The following BORA variants were observed in gnomAD, a reference collection of about 807,000 sequenced individuals.
BORA encodes the protein BORA aurora kinase A activator.
In BORA, 26 loss-of-function variants were observed where a neutral mutation model predicts 55.8. That is an observed-to-expected ratio of 0.47 (90% confidence interval 0.34 to 0.65). The LOEUF (loss-of-function observed/expected upper bound fraction) is 0.65. BORA is among the 30% of genes least tolerant of loss of function. The probability of loss-of-function intolerance (pLI) is 0.01; values close to 1 mark genes in which losing one functional copy is unlikely to be tolerated. For synonymous variants in BORA, 201 were observed against 216.9 expected (o/e 0.93, Z 0.64); for missense variants, 568 against 671.5 (o/e 0.85, Z 1.70).
At position 72,746,539 on chromosome 13, in the gene BORA, T is replaced by C. The variant is rs766389279; in HGVS notation, c.910T>C (p.Ser304Pro). Residue 304 changes from serine to proline, a missense_variant, in exon 10 of 12, where the codon TCT becomes CCT. Physicochemically the swap from Ser to Pro is moderately conservative, Grantham distance 74. Coordinates refer to ENST00000390667, the MANE Select transcript of BORA (RefSeq NM_024808.5). The stretch of plus-strand genomic sequence containing the variant: ...TACTGTTCATTCTCCTGATGCTTCA[T>C]CTGGAACAAATTCTAATGGGATAAC... Reference protein sequence around the residue: ...KFTVHSPDASSGTNSNGITNP... With the variant: ...KFTVHSPDASPGTNSNGITNP... The C allele has an allele frequency of 8.7e-6, 14 of 1,613,674 alleles. No homozygotes were observed. Among genetic ancestry groups the C allele is most frequent in the Non-Finnish European group, 1.2e-5 (14 of 1,179,742 alleles).
chr13:72,743,850 C>T (rs1025557675), intron 6 of BORA, among the ~76,000 whole-genome samples: 7 of 151,982 alleles, frequency 4.6e-5, no homozygotes, highest in Non-Finnish European at 8.8e-5. Flanking sequence ...ATCCTCCCAC[C>T]GCAGCCTCCT....
chr13:72,735,209 C>T (rs9543106), intron 4 of BORA, among the ~76,000 whole-genome samples: 134,223 of 152,176 alleles, frequency 0.88, 61,171 homozygotes, highest in Non-Finnish European at 0.99. Context: ...ATAGCACTTG[C>T]ATACTGTTGT....
At chr13:72,734,774 T>G (rs1298417491) in intron 3 of BORA, among the ~76,000 whole-genome samples, 186 bp from the exon 4 acceptor site, 1 of 152,202 alleles carries the variant, frequency 6.6e-6, no homozygotes, top group East Asian at 1.9e-4. Context: ...AGCTAACTGC[T>G]GAATTTCAGA....
In BORA at chr13:72,747,004, ATGAC is replaced by A; in HGVS notation, c.1379_1382del (p.Thr460IlefsTer3). 1 of 1,614,128 alleles carries A rather than the reference ATGAC, an allele frequency of 6.2e-7. No homozygotes were observed. The highest frequency in any genetic ancestry group is 1.3e-5 in the African/African-American group (1 of 75,038). On this transcript the variant is annotated frameshift_variant, in exon 10 of 12. Coordinates refer to ENST00000390667, the MANE Select transcript of BORA (RefSeq NM_024808.5). LOFTEE classifies it high-confidence loss of function. ...GCCGGTTGATAATGGCAGTTTACCC[ATGAC>A]TGATTTTGTAAGTGGCATTGCCTTC...
At chr13:72,752,708 C>G (rs2033310299) in intron 10 of BORA, 1 of 152,118 alleles carries the variant, frequency 6.6e-6, no homozygotes, top group Non-Finnish European at 1.5e-5. Context: ...TGGAACATGA[C>G]CTCTAGTAGT....
At chr13:72,733,335 T>G (rs2032856759) in intron 3 of BORA, among the ~76,000 whole-genome samples, 2 of 152,232 alleles carry the variant, frequency 1.3e-5, no homozygotes, top group Non-Finnish European at 2.9e-5. Context: ...TGACCAGTCC[T>G]GAGGTCCCCT....
intron 11 of BORA, 108 bp from the exon 12 acceptor site, chr13:72,755,021 TGTATCTTTACTGTCCCTTCAGA>T: frequency 1.5e-6 from 1 of 672,708 alleles, no homozygotes. Context: ...TATAAAATAC[TGTATCTTTACTGTCCCTTCAGA>T]GTTCAGCTAA....
At chr13:72,746,265 T>A (rs2033139340) in intron 9 of BORA, among the ~76,000 whole-genome samples, 189 bp downstream of exon 9, 1 of 152,234 alleles carries the variant, frequency 6.6e-6, no homozygotes, top group African/African-American at 2.4e-5. Context: ...CAGTTTGTAC[T>A]GTAGTGTTAA....
chr13:72,746,661 T>C lies in BORA; in HGVS notation c.1032T>C (p.Tyr344=), dbSNP rs763728072. Residue 344 remains tyrosine, a synonymous_variant, in exon 10 of 12, where the codon TAT becomes TAC. Coordinates refer to ENST00000390667, the MANE Select transcript of BORA (RefSeq NM_024808.5). ...AGATGTATAGTGGTGGTACTCAGTA[T>C]CGGACCTCAGTGATTCAGATACCTT... ...RLQMYSGGTQ[Y]RTSVIQIPFT... is the part of the protein sequence containing the mutation. 8 of 1,614,028 alleles carry C rather than the reference T, an allele frequency of 5.0e-6. No individual in the cohort carries two copies. The highest frequency in any genetic ancestry group is 1.6e-4 in the Middle Eastern group (1 of 6,082).
intron 11 of BORA, 194 bp downstream of exon 11, chr13:72,754,015 A>G: frequency 1.9e-6 from 1 of 536,892 alleles, no homozygotes; most frequent in Non-Finnish European, 3.2e-6. Flanking sequence ...ACATACTACA[A>G]AGTGTGCAAA....
At chr13:72,740,031 A>T (rs907385460) in intron 5 of BORA, among the ~76,000 whole-genome samples, 24 of 151,834 alleles carry the variant, frequency 1.6e-4, no homozygotes, top group Non-Finnish European at 2.6e-4. Flanking sequence ...GGGGTCAGTC[A>T]GGTAGGCCAT....
chr13:72,747,199 A>G, intron 10 of BORA, 88 bp downstream of exon 10: 1 of 1,405,074 alleles, frequency 7.1e-7, no homozygotes. Context: ...AAGATAATGG[A>G]TTAAACATGA....
At chr13:72,753,021 C>T (rs1408150890) in intron 10 of BORA, 1 of 152,084 alleles carries the variant, frequency 6.6e-6, no homozygotes, top group Non-Finnish European at 1.5e-5. Flanking sequence ...GAAAGTTAAG[C>T]TTTTTAAGCC....
rs1315369476 is a variant in BORA, at chr13:72,755,484, G to A, written c.*268G>A. 17 of 438,966 alleles carry A rather than the reference G, an allele frequency of 3.9e-5. No individual in the cohort carries two copies. Among genetic ancestry groups the A allele is most frequent in the Admixed American group, 1.2e-4 (3 of 25,196 alleles). 27.2% of individuals were successfully genotyped at this position (438,966 alleles called of 1,614,324 possible). A position where few individuals can be genotyped will look rare whatever the true frequency, so the allele number is the denominator to read the frequency against. On this transcript the variant is annotated 3_prime_UTR_variant, in exon 12 of 12. Transcript: ENST00000390667. ...ATGTGTTTAACAACAAATTGTGACAGAGCTGAGTGCTCCTATCTTACAGGG... is the reference window on the plus strand; with the variant it reads ...ATGTGTTTAACAACAAATTGTGACAAAGCTGAGTGCTCCTATCTTACAGGG...
Position 72,744,554 on chromosome 13 carries a change from T to C in BORA, c.504T>C (p.Asn168=). ...LSLPVDFNLE[N]ILGDYFRADE... is the part of the protein sequence containing the mutation. Reference sequence around the variant, plus strand: ...TTCCTGTGGATTTTAATTTAGAAAATATATTAGGTAAATACTGTATTTGTT... The same window carrying C: ...TTCCTGTGGATTTTAATTTAGAAAACATATTAGGTAAATACTGTATTTGTT... The change falls in exon 7 of 12, where the codon AAT becomes AAC. Residue 168 remains asparagine (N), a synonymous_variant. Coordinates refer to ENST00000390667, the MANE Select transcript of BORA (RefSeq NM_024808.5). The C allele has an allele frequency of 6.2e-7, 1 of 1,604,120 alleles. No individual in the cohort carries two copies. Among genetic ancestry groups the C allele is most frequent in the Non-Finnish European group, 8.5e-7 (1 of 1,171,964 alleles).
intron 2 of BORA, among the ~76,000 whole-genome samples, chr13:72,730,391 G>A (rs2032786773): frequency 6.6e-6 from 1 of 152,108 alleles, no homozygotes; most frequent in Non-Finnish European, 1.5e-5. Flanking sequence ...TGGAATGTAT[G>A]GCATCTTGCG....
intron 4 of BORA, among the ~76,000 whole-genome samples, chr13:72,736,895 T>G (rs971251318): frequency 6.6e-6 from 1 of 151,862 alleles, no homozygotes; most frequent in African/African-American, 2.4e-5. Context: ...TTTCTTTACT[T>G]TTGAGTGAAC....
At chr13:72,731,499 T>A in intron 3 of BORA, 112 bp downstream of exon 3, 1 of 750,000 alleles carries the variant, frequency 1.3e-6, no homozygotes, top group Non-Finnish European at 2.2e-6. Context: ...AGAAAAAATT[T>A]TGATGCAGAT....
intron 5 of BORA, among the ~76,000 whole-genome samples, chr13:72,739,281 A>G (rs559958970): frequency 2.0e-5 from 3 of 152,168 alleles, no homozygotes; most frequent in South Asian, 2.1e-4. Context: ...TTGTATTCCA[A>G]GTATCCTGTT....
Sources: allele counts gnomAD v4.1 joint callset (sites outside exome capture counted in the v4.1 genomes callset), GRCh38; gene constraint gnomAD v4.1.1; transcripts MANE v1.5; gene names NCBI Gene and HGNC (gene_info 2026-07-23, HGNC 2026-07-21).